The following PRR16 variants were observed in gnomAD, a reference collection of about 807,000 sequenced individuals.
PRR16 encodes the protein protein Largen.
PRR16 carries 6 observed loss-of-function variants against 18.2 expected under a neutral mutation model. The ratio of observed to expected loss-of-function variants is 0.33; its 90% CI spans 0.18 to 0.65. The LOEUF is 0.65. Among genes scored for constraint, PRR16 ranks in the 30% least tolerant of loss-of-function variants. The probability of loss-of-function intolerance (pLI) is 0.74; values close to 1 mark genes in which losing one functional copy is unlikely to be tolerated. For missense variants in PRR16, 412 were observed against 376.6 expected (o/e 1.09, Z -0.78); for synonymous variants, 151 against 147.8 (o/e 1.02, Z -0.16).
At chr5:120,584,183 T>G (rs1753364351) in intron 1 of PRR16, among the ~76,000 whole-genome samples, 1 of 152,082 alleles carries the variant, frequency 6.6e-6, no homozygotes, top group South Asian at 2.1e-4. Flanking sequence ...GTGATAGGAG[T>G]TGAGGCTTAC....
chr5:120,561,625 A>G (rs1752577938), intron 1 of PRR16, among the ~76,000 whole-genome samples: 1 of 152,134 alleles, frequency 6.6e-6, no homozygotes, highest in Admixed American at 6.5e-5. Context: ...AATGTCTATG[A>G]TATGGTTTGG....
intron 1 of PRR16, among the ~76,000 whole-genome samples, chr5:120,566,284 C>T (rs890042955): frequency 6.6e-6 from 1 of 152,292 alleles, no homozygotes; most frequent in Admixed American, 6.5e-5. Context: ...ACTTCCTTGC[C>T]TCCAGAACTG....
intron 1 of PRR16, among the ~76,000 whole-genome samples, chr5:120,540,245 G>C (rs1364717846): frequency 1.3e-5 from 2 of 151,990 alleles, no homozygotes; most frequent in African/African-American, 2.4e-5. Flanking sequence ...TTCTCAGCAG[G>C]GCAATTGCAG....
chr5:120,589,727 G>C (rs1753568651), intron 1 of PRR16, among the ~76,000 whole-genome samples: 1 of 152,090 alleles, frequency 6.6e-6, no homozygotes, highest in Non-Finnish European at 1.5e-5. Context: ...CATGAGAACA[G>C]TATGGCAGAA....
At chr5:120,632,309 A>G (rs970710768) in intron 1 of PRR16, among the ~76,000 whole-genome samples, 1 of 152,148 alleles carries the variant, frequency 6.6e-6, no homozygotes, top group Non-Finnish European at 1.5e-5. Flanking sequence ...GTAATATGGC[A>G]AAACAAGGTT....
the PRR16 span, chr5:120,710,942 C>CG: frequency 6.7e-6 from 1 of 149,584 alleles, no homozygotes; most frequent in Admixed American, 6.7e-5. Context: ...AGAATCCACT[C>CG]TTTTTTTTTT....
chr5:120,490,894 C>G (rs991056350), intron 1 of PRR16, among the ~76,000 whole-genome samples: 4 of 152,176 alleles, frequency 2.6e-5, no homozygotes, highest in African/African-American at 9.7e-5. Flanking sequence ...AGCTGCAGGT[C>G]TGTTGGAGTT....
the PRR16 span, among the ~76,000 whole-genome samples, chr5:120,779,549 G>A: frequency 7.9e-5 from 12 of 152,220 alleles, no homozygotes; most frequent in East Asian, 1.9e-4. Context: ...GTAAATGTTC[G>A]CATTTCGTGT....
the PRR16 span, among the ~76,000 whole-genome samples, chr5:120,793,568 G>A: frequency 6.6e-6 from 1 of 152,066 alleles, no homozygotes; most frequent in Non-Finnish European, 1.5e-5. Flanking sequence ...GTGCAGAGAA[G>A]ACTGGTTAGA....
intron 1 of PRR16, among the ~76,000 whole-genome samples, chr5:120,532,925 C>T (rs1316443038): frequency 6.6e-6 from 1 of 152,048 alleles, no homozygotes; most frequent in African/African-American, 2.4e-5. Context: ...AATGAGTGGA[C>T]CTGGGTAATG....
the PRR16 span, among the ~76,000 whole-genome samples, chr5:120,776,236 A>C: frequency 6.6e-6 from 1 of 152,132 alleles, no homozygotes; most frequent in East Asian, 1.9e-4. Flanking sequence ...CTTCATAAGG[A>C]AGCTGGGCTT....
At chr5:120,645,338 A>ACACACACACACACAGACATG (rs1491279986) in intron 1 of PRR16, among the ~76,000 whole-genome samples, 2 of 149,654 alleles carry the variant, frequency 1.3e-5, no homozygotes, top group Admixed American at 1.3e-4. Flanking sequence ...ACACATGCAT[A>ACACACACACACACAGACATG]CACACACACA....
intron 1 of PRR16, among the ~76,000 whole-genome samples, chr5:120,617,646 G>A (rs1220680521): frequency 1.3e-5 from 2 of 151,922 alleles, no homozygotes; most frequent in Admixed American, 1.3e-4. Context: ...CTTTATATAT[G>A]TCAATTGTAG....
chr5:120,565,524 T>G (rs1367878275), intron 1 of PRR16, among the ~76,000 whole-genome samples: 1 of 152,212 alleles, frequency 6.6e-6, no homozygotes, highest in Non-Finnish European at 1.5e-5. Context: ...CTGCCATGTT[T>G]GATTGAATTT....
At chr5:120,617,151 A>G in intron 1 of PRR16, 1 of 985,432 alleles carries the variant, frequency 1.0e-6, no homozygotes, top group Non-Finnish European at 1.2e-6. Flanking sequence ...ACAGTGCTGC[A>G]GGCATACAGT....
chr5:120,792,676 T>C, the PRR16 span, among the ~76,000 whole-genome samples: 1 of 152,188 alleles, frequency 6.6e-6, no homozygotes. Flanking sequence ...TTAGGTAAGA[T>C]AATCTTGCTT....
the PRR16 span, among the ~76,000 whole-genome samples, chr5:120,698,550 C>A: frequency 1.4e-5 from 2 of 145,196 alleles, no homozygotes; most frequent in African/African-American, 5.2e-5. Context: ...AGTTGAGAAC[C>A]GTGAATAGGA....
the PRR16 span, among the ~76,000 whole-genome samples, chr5:120,704,014 T>C: frequency 1.3e-5 from 2 of 152,172 alleles, no homozygotes; most frequent in Non-Finnish European, 2.9e-5. Context: ...TGGACTTAGG[T>C]AGACAAATAG....
At chr5:120,685,498 G>C (rs1757091388) in intron 1 of PRR16, among the ~76,000 whole-genome samples, 1 of 152,018 alleles carries the variant, frequency 6.6e-6, no homozygotes, top group South Asian at 2.1e-4. Flanking sequence ...TCATTTGGTT[G>C]CCTTGTGAGG....
Sources: allele counts gnomAD v4.1 joint callset (sites outside exome capture counted in the v4.1 genomes callset), GRCh38; gene constraint gnomAD v4.1.1; transcripts MANE v1.5; gene names NCBI Gene and HGNC (gene_info 2026-07-23, HGNC 2026-07-21).